C12orf42: variants seen among roughly 807,000 people sequenced by gnomAD.
C12orf42 encodes chromosome 12 open reading frame 42.
In C12orf42, 25 loss-of-function variants were observed where a neutral mutation model predicts 21.6. The observed-to-expected ratio is 1.16, with a 90% confidence interval of 0.84 to 1.62. The LOEUF is 1.62. Ranked by LOEUF, C12orf42 falls within the 40% of genes most tolerant of loss-of-function variation. C12orf42 has a pLI of 0.00. For missense variants in C12orf42, 483 were observed against 459.3 expected, an observed-to-expected ratio of 1.05 and a Z score of -0.47; for synonymous variants, 174 against 175.0, an observed-to-expected ratio of 0.99 and a Z score of 0.05.
In C12orf42 at chr12:103,304,702, C is replaced by A. The variant is rs542169988; in HGVS notation, c.631+1272G>T. On this transcript the variant is annotated intron_variant, in intron 5 of 5. Transcript: ENST00000548883. Reference sequence around the variant, plus strand: ...CTGAAGATGTACATTCCAATTTCAACATATTGCCTTGTTCATAGTAAGAAT... The same window carrying A: ...CTGAAGATGTACATTCCAATTTCAAAATATTGCCTTGTTCATAGTAAGAAT... 5.3e-5 allele frequency among the ~76,000 whole-genome samples: 8 copies of A among 152,294 alleles called. No individual in the cohort carries two copies. The South Asian group carries it at 1.7e-3, about 32-fold the overall frequency.
chr12:103,449,023 TG>T (rs1266502295), intron 2 of C12orf42, among the ~76,000 whole-genome samples: 1 of 151,798 alleles, frequency 6.6e-6, no homozygotes, highest in Non-Finnish European at 1.5e-5. Context: ...AATTTGCAAT[TG>T]CAAAAATACA....
intron 4 of C12orf42, among the ~76,000 whole-genome samples, chr12:103,294,153 T>C (rs1296439318): frequency 6.6e-6 from 1 of 152,096 alleles, no homozygotes; most frequent in Non-Finnish European, 1.5e-5. Context: ...ACATGGTGCA[T>C]ACAATAACTA....
chr12:103,540,463 C>T, the C12orf42 span, among the ~76,000 whole-genome samples: 1 of 152,210 alleles, frequency 6.6e-6, no homozygotes, highest in African/African-American at 2.4e-5. Context: ...TGATTTTGTG[C>T]ATTTTGAGGG....
chr12:103,112,325 T>C, the C12orf42 span, among the ~76,000 whole-genome samples: 2 of 152,184 alleles, frequency 1.3e-5, no homozygotes, highest in African/African-American at 4.8e-5. Flanking sequence ...AAATTTTACC[T>C]CATTCATTTT....
In C12orf42 at chr12:103,393,851, C is replaced by T. The variant is rs142279015; in HGVS notation, c.147+7756G>A. Among the ~76,000 whole-genome samples the T allele has an allele frequency of 3.3e-5, 5 of 152,286 alleles. No individual in the cohort carries two copies. In the East Asian group the frequency reaches 9.7e-4, roughly 29 times the overall value. On this transcript the variant is annotated intron_variant, in intron 3 of 5. Transcript: ENST00000548883. The stretch of plus-strand genomic sequence containing the variant: ...TCATAACTCTGTGCCTGTGATTTCA[C>T]CTCTGAAAAGCAACTCTTTCTAGCT...
At chr12:103,401,536 C>A in intron 3 of C12orf42, 71 bp downstream of exon 3, 1 of 1,260,072 alleles carries the variant, frequency 7.9e-7, no homozygotes, top group Non-Finnish European at 1.1e-6. Context: ...AATCTGCTTA[C>A]ATGTAAAGCA....
intron 4 of C12orf42, among the ~76,000 whole-genome samples, chr12:103,344,181 G>A (rs192860456): frequency 6.6e-6 from 1 of 152,292 alleles, no homozygotes; most frequent in East Asian, 1.9e-4. Flanking sequence ...AAAGAGGGAT[G>A]GCAGGGCAGC....
intron 2 of C12orf42, among the ~76,000 whole-genome samples, chr12:103,471,672 CT>C: frequency 6.6e-6 from 1 of 152,356 alleles, no homozygotes. Flanking sequence ...AACCTCTACA[CT>C]GGTAGCTTAC....
At chr12:103,084,683 T>G in the C12orf42 span, among the ~76,000 whole-genome samples, 1 of 152,194 alleles carries the variant, frequency 6.6e-6, no homozygotes, top group African/African-American at 2.4e-5. Context: ...ACCTATACAC[T>G]GCATTCTGTG....
intron 2 of C12orf42, among the ~76,000 whole-genome samples, chr12:103,435,129 C>A (rs1485310973): frequency 6.6e-6 from 1 of 152,138 alleles, no homozygotes; most frequent in African/African-American, 2.4e-5. Flanking sequence ...AGGCACCCCC[C>A]AGCAGAGGCA....
At chr12:103,457,020 A>T (rs1952342713) in intron 2 of C12orf42, among the ~76,000 whole-genome samples, 1 of 152,178 alleles carries the variant, frequency 6.6e-6, no homozygotes, top group Admixed American at 6.5e-5. Context: ...AAGCTTAAAT[A>T]ACCCATGCAT....
the C12orf42 span, among the ~76,000 whole-genome samples, chr12:103,216,471 C>G: frequency 6.6e-6 from 1 of 151,004 alleles, no homozygotes; most frequent in African/African-American, 2.4e-5. Context: ...CCCGGGTTCA[C>G]GCCATTCTCC....
chr12:103,478,557 G>T, intron 1 of C12orf42, 110 bp from the exon 2 acceptor site: 32 of 415,218 alleles, frequency 7.7e-5, no homozygotes, highest in South Asian at 9.5e-5. Context: ...CATGAACATA[G>T]TATTTCTTGC....
At chr12:103,490,715 T>C (rs1955131730) in intron 1 of C12orf42, among the ~76,000 whole-genome samples, 1 of 152,032 alleles carries the variant, frequency 6.6e-6, no homozygotes, top group South Asian at 2.1e-4. Flanking sequence ...TTAAGTATGA[T>C]AATTGCTTTC....
At chr12:103,466,647 A>T (rs535549966) in intron 2 of C12orf42, among the ~76,000 whole-genome samples, 1 of 152,042 alleles carries the variant, frequency 6.6e-6, no homozygotes, top group Non-Finnish European at 1.5e-5. Flanking sequence ...GTTTTAAAAC[A>T]TTACCCCATG....
chr12:103,396,977 T>C lies in C12orf42; in HGVS notation c.147+4630A>G, dbSNP rs2047591253. On this transcript the variant is annotated intron_variant, in intron 3 of 5. Coordinates refer to ENST00000548883, the MANE Select transcript of C12orf42 (RefSeq NM_198521.5). ...CATTACTAAGCTCTTCAATCCAGCT[T>C]TGACCTGGAATATATTTTTACCAAC... 2.0e-5 allele frequency among the ~76,000 whole-genome samples: 3 copies of C among 152,228 alleles called. No homozygotes were observed. The South Asian group carries it at 6.2e-4, about 32-fold the overall frequency.
chr12:103,286,982 T>C (rs1593289328), intron 4 of C12orf42, among the ~76,000 whole-genome samples: 1 of 147,684 alleles, frequency 6.8e-6, no homozygotes, highest in South Asian at 2.1e-4. Context: ...ATCAGAGAAA[T>C]GCAAATCAAA....
chr12:103,297,383 C>G (rs2037363187), downstream of C12orf42, among the ~76,000 whole-genome samples: 1 of 152,040 alleles, frequency 6.6e-6, no homozygotes, highest in Admixed American at 6.6e-5. Flanking sequence ...GTTACATACA[C>G]CCTTGCAAGA....
chr12:103,098,395 C>A, the C12orf42 span, among the ~76,000 whole-genome samples: 4 of 152,158 alleles, frequency 2.6e-5, no homozygotes, highest in African/African-American at 9.7e-5. Context: ...ACAGCTCTTA[C>A]AAACAAATGA....
Sources: allele counts gnomAD v4.1 joint callset (sites outside exome capture counted in the v4.1 genomes callset), GRCh38; gene constraint gnomAD v4.1.1; transcripts MANE v1.5; gene names NCBI Gene and HGNC (gene_info 2026-07-23, HGNC 2026-07-21).